Variants in ATM observed in about 807,000 individuals in gnomAD.
The protein encoded by ATM is ATM serine/threonine kinase, also known as serine-protein kinase ATM.
Under a neutral mutation model 387.0 loss-of-function variants are expected in ATM, and 308 were observed. That is an observed-to-expected ratio of 0.80 (90% CI 0.73 to 0.87). The LOEUF (loss-of-function observed/expected upper bound fraction) is 0.87. ATM is among the 40% of genes least tolerant of loss of function. The pLI, the probability that ATM is intolerant of heterozygous loss-of-function variation, is 0.00. For synonymous variants in ATM, 1,156 were observed against 1,187.3 expected (o/e 0.97, Z 0.54); for missense variants, 3,312 against 3,560.9 (o/e 0.93, Z 1.78).
At chr11:108,242,756 A>G (rs974264760) in intron 5 of ATM, among the ~76,000 whole-genome samples, 1 of 152,180 alleles carries the variant, frequency 6.6e-6, no homozygotes, top group African/African-American at 2.4e-5. Context: ...CGCAGTGTCA[A>G]GTGTCCCATT....
intron 25 of ATM, 30 bp from the exon 26 acceptor site, chr11:108,284,197 A>C (rs1484011984): frequency 7.2e-6 from 11 of 1,521,636 alleles, no homozygotes; most frequent in Non-Finnish European, 9.0e-6. Context: ...AGTTATATAT[A>C]ACCTGTATTT....
At chr11:108,236,633 A>G (rs1400128801) in intron 5 of ATM, 1 of 152,290 alleles carries the variant, frequency 6.6e-6, no homozygotes, top group Admixed American at 6.5e-5. Context: ...AAAAGTATCC[A>G]TTGGATGAGG....
chr11:108,272,668 G>A (rs2135568294), intron 21 of ATM, 54 bp from the exon 22 acceptor site: 10 of 1,612,850 alleles, frequency 6.2e-6, no homozygotes, highest in Non-Finnish European at 8.5e-6. Flanking sequence ...GTCTTTGTTT[G>A]TTAATGAGTA....
At chr11:108,236,816 G>A (rs2079303172) in intron 5 of ATM, among the ~76,000 whole-genome samples, 1 of 152,154 alleles carries the variant, frequency 6.6e-6, no homozygotes, top group South Asian at 2.1e-4. Context: ...CACAAAGGAA[G>A]GAAGTTATGG....
At chr11:108,308,539 A>G (rs1490598847) in intron 38 of ATM, 2 of 189,192 alleles carry the variant, frequency 1.1e-5, no homozygotes, top group Non-Finnish European at 2.2e-5. Flanking sequence ...TTAACAGTGC[A>G]TACAGAAATT....
chr11:108,244,516 T>C (rs56134519), intron 6 of ATM, among the ~76,000 whole-genome samples: 2 of 152,222 alleles, frequency 1.3e-5, no homozygotes, highest in Admixed American at 1.3e-4. Flanking sequence ...ATAAATGGTG[T>C]TACAAATCAG....
Position 108,327,629 on chromosome 11 carries a change from T to C in ATM, c.6976-16T>C, listed in dbSNP as rs2085805769. ...GGTAATGCATTATATTTTAAGATTT[T>C]GCCTTTCTTATACAGAACAATCCCA... On this transcript the variant is annotated splice_polypyrimidine_tract_variant and intron_variant, in intron 47 of 62. Coordinates refer to ENST00000675843, the MANE Select transcript of ATM (RefSeq NM_000051.4). The C allele has an allele frequency of 6.3e-7, 1 of 1,593,196 alleles. No individual in the cohort carries two copies. The highest frequency in any genetic ancestry group is 8.6e-7 in the Non-Finnish European group (1 of 1,161,514).
At chr11:108,301,820 C>T (rs2135916973) in intron 35 of ATM, 31 bp downstream of exon 35, 1 of 1,607,236 alleles carries the variant, frequency 6.2e-7, no homozygotes. Context: ...TTATTGAATA[C>T]CCAGCATATC....
At chr11:108,271,552 C>A in intron 20 of ATM, 146 bp downstream of exon 20, 1 of 1,071,034 alleles carries the variant, frequency 9.3e-7, no homozygotes, top group Non-Finnish European at 1.4e-6. Flanking sequence ...ATTTGTGTTT[C>A]CCTCAGTCGC....
At position 108,307,999 on chromosome 11, in the gene ATM, G is replaced by A. The variant is rs2135978594; in HGVS notation, c.5762+15G>A. ...AGACAAAAGAGGTAATGTAATGAGT[G>A]TTGCTTCTTACGTTTAGGATCTAGA... On this transcript the variant is annotated intron_variant, in intron 38 of 62. Coordinates refer to ENST00000675843, the MANE Select transcript of ATM (RefSeq NM_000051.4). The A allele has an allele frequency of 6.3e-7, 1 of 1,592,268 alleles. No homozygotes were observed. Among genetic ancestry groups the A allele is most frequent in the Non-Finnish European group, 8.6e-7 (1 of 1,160,512 alleles).
Position 108,368,044 on chromosome 11 carries a change from GAAT to G in ATM, c.*2539_*2541del. 4.8e-6 allele frequency: 1 copy of G among 207,362 alleles called. No homozygotes were observed. Among genetic ancestry groups the G allele is most frequent in the Non-Finnish European group, 9.8e-6 (1 of 101,780 alleles). The allele number at this position is 207,362 out of a possible 1,614,324, so 12.8% of individuals were successfully genotyped here. Reference sequence around the variant, plus strand: ...CTAGTTGTTGCATCCAGAGAGCTTTGAATAACATCATTAATCTACTCTTTAGCC... The same window carrying G: ...CTAGTTGTTGCATCCAGAGAGCTTTGAACATCATTAATCTACTCTTTAGCC... On this transcript the variant is annotated 3_prime_UTR_variant, in exon 63 of 63. Transcript: ENST00000675843.
intron 5 of ATM, among the ~76,000 whole-genome samples, chr11:108,237,811 A>C (rs1031113211): frequency 6.6e-6 from 1 of 151,264 alleles, no homozygotes; most frequent in African/African-American, 2.4e-5. Context: ...ATTGCATTGA[A>C]TCTGTTGCAC....
At chr11:108,360,118 C>G (rs1253088200) in intron 61 of ATM, among the ~76,000 whole-genome samples, 1 of 151,090 alleles carries the variant, frequency 6.6e-6, no homozygotes, top group Non-Finnish European at 1.5e-5. Context: ...GGGGATATCA[C>G]CACCGATCCC....
chr11:108,302,203 C>T (rs2083466302), intron 35 of ATM, among the ~76,000 whole-genome samples: 1 of 152,124 alleles, frequency 6.6e-6, no homozygotes, highest in African/African-American at 2.4e-5. Context: ...CCATAGATTT[C>T]TCCCTTTTTC....
At chr11:108,324,157 C>T (rs1435414063) in intron 45 of ATM, among the ~76,000 whole-genome samples, 1 of 152,094 alleles carries the variant, frequency 6.6e-6, no homozygotes, top group African/African-American at 2.4e-5. Flanking sequence ...AACCTGTGCA[C>T]ATTCTCCTAT....
intron 10 of ATM, among the ~76,000 whole-genome samples, chr11:108,251,439 G>A (rs973742971): frequency 1.3e-5 from 2 of 152,132 alleles, no homozygotes; most frequent in Non-Finnish European, 2.9e-5. Flanking sequence ...TGCTAGGAAC[G>A]TTTGAATTAT....
chr11:108,266,106 C>T (rs1230056234), intron 16 of ATM, among the ~76,000 whole-genome samples: 8 of 151,160 alleles, frequency 5.3e-5, no homozygotes, highest in African/African-American at 1.9e-4. Flanking sequence ...ACTGGAAATA[C>T]CATTTGACCC....
chr11:108,251,761 A>G, intron 10 of ATM, 76 bp from the exon 11 acceptor site: 1 of 1,381,624 alleles, frequency 7.2e-7, no homozygotes, highest in Non-Finnish European at 1.0e-6. Context: ...TGTATGTGCC[A>G]GGCACTGTCC....
chr11:108,358,475 C>T (rs201881420), intron 61 of ATM, among the ~76,000 whole-genome samples: 32 of 148,514 alleles, frequency 2.2e-4, no homozygotes, highest in Non-Finnish European at 3.0e-4. Context: ...AGAAGAGCAA[C>T]TCCAAGACAC....
Sources: gnomAD v4.1 joint callset for allele counts (sites outside exome capture counted in the v4.1 genomes callset) on GRCh38, gnomAD v4.1.1 for gene constraint, MANE v1.5 for transcripts, NCBI Gene and HGNC (gene_info 2026-07-23, HGNC 2026-07-21) for gene names.